The following PDE6A variants were observed in gnomAD, a reference collection of about 807,000 sequenced individuals.
PDE6A encodes rod cGMP-specific 3',5'-cyclic phosphodiesterase subunit alpha.
Under a neutral mutation model 106.3 loss-of-function variants are expected in PDE6A, and 84 were observed. The observed-to-expected ratio is 0.79, with a 90% CI of 0.66 to 0.95. The LOEUF (loss-of-function observed/expected upper bound fraction) is 0.95. Among genes scored for constraint, PDE6A ranks in the 40% least tolerant of loss-of-function variants. PDE6A has a pLI of 0.00. For missense variants in PDE6A, 1,052 were observed against 1,084.9 expected (o/e 0.97, Z 0.43); for synonymous variants, 394 against 386.6 (o/e 1.02, Z -0.23).
At chr5:149,868,479 T>A (rs1166894683) in intron 17 of PDE6A, among the ~76,000 whole-genome samples, 1 of 152,238 alleles carries the variant, frequency 6.6e-6, no homozygotes, top group African/African-American at 2.4e-5. Context: ...TGGAGAAATC[T>A]AAGTATAGTG....
intron 17 of PDE6A, among the ~76,000 whole-genome samples, chr5:149,872,886 A>C (rs1321862410): frequency 6.6e-6 from 1 of 152,202 alleles, no homozygotes; most frequent in Non-Finnish European, 1.5e-5. Context: ...AAAGAGCCAG[A>C]CAGTAAATGT....
At position 149,899,459 on chromosome 5, in the gene PDE6A, C is replaced by T; in HGVS notation, c.1179G>A (p.Lys393=). 6.2e-7 allele frequency: 1 copy of T among 1,614,102 alleles called. No individual in the cohort carries two copies. The highest frequency in any genetic ancestry group is 8.5e-7 in the Non-Finnish European group (1 of 1,179,944). ...TGGCCACTCCAACAATTTCTTCCTT[C>T]TTGTTCACAATCGGCATTGAAAGCA... is the stretch of plus-strand genomic sequence containing the variant. ...KNVLSMPIVN[K]KEEIVGVATF... is the part of the protein sequence containing the mutation. Residue 393 remains lysine (K), a synonymous_variant, in exon 9 of 22, where the codon AAG becomes AAA. Transcript: ENST00000255266.
At chr5:149,885,692 C>A (rs1463931730) in intron 14 of PDE6A, among the ~76,000 whole-genome samples, 1 of 152,210 alleles carries the variant, frequency 6.6e-6, no homozygotes, top group Non-Finnish European at 1.5e-5. Context: ...CATTCATTTT[C>A]TATGGCTGCT....
chr5:149,896,281 G>T, intron 12 of PDE6A, 75 bp downstream of exon 12: 6 of 1,248,894 alleles, frequency 4.8e-6, no homozygotes, highest in Non-Finnish European at 7.0e-6. Context: ...GTAGTTTACA[G>T]ATTGAGTCTT....
At chr5:149,880,825 G>C (rs1172605721) in intron 17 of PDE6A, among the ~76,000 whole-genome samples, 1 of 152,046 alleles carries the variant, frequency 6.6e-6, no homozygotes, top group African/African-American at 2.4e-5. Flanking sequence ...TTGGAAGGCT[G>C]AGACAGGCAG....
chr5:149,869,431 G>C (rs1760454844), intron 17 of PDE6A, among the ~76,000 whole-genome samples: 1 of 152,142 alleles, frequency 6.6e-6, no homozygotes, highest in Non-Finnish European at 1.5e-5. Flanking sequence ...TCATAGAAAG[G>C]CAAGGCAGGT....
chr5:149,885,445 A>G (rs1019707496), intron 14 of PDE6A, among the ~76,000 whole-genome samples: 4 of 152,222 alleles, frequency 2.6e-5, no homozygotes, highest in Admixed American at 6.5e-5. Flanking sequence ...TGAGGATCCA[A>G]TGAGATCATG....
chr5:149,900,896 G>T (rs1561739720), intron 8 of PDE6A, among the ~76,000 whole-genome samples: 3 of 151,988 alleles, frequency 2.0e-5, no homozygotes, highest in East Asian at 1.9e-4. Flanking sequence ...TTTAAGCAAA[G>T]AAATCATTGA....
chr5:149,903,147 T>TAAAAAAAAAA (rs373566897), intron 8 of PDE6A, among the ~76,000 whole-genome samples: 19 of 90,952 alleles, frequency 2.1e-4, no homozygotes, highest in East Asian at 1.0e-3. Context: ...AGACCCTCTC[T>TAAAAAAAAAA]AAAAAAAAAA....
rs1038768243 is a variant in PDE6A at position 149,896,741 on chromosome 5, C to A, written c.1443G>T (p.Glu481Asp). 6.8e-6 allele frequency: 11 copies of A among 1,614,088 alleles called. No homozygotes were observed. Among genetic ancestry groups the A allele is most frequent in the Non-Finnish European group, 9.3e-6 (11 of 1,180,052 alleles). The change falls in exon 11 of 22, where the codon GAG (glutamate) becomes GAT (aspartate). Residue 481 changes from glutamate to aspartate, a missense_variant. Physicochemically the swap from Glu to Asp is conservative, Grantham distance 45 (BLOSUM62 2). Coordinates refer to ENST00000255266, the MANE Select transcript of PDE6A (RefSeq NM_000440.3). ...TCTCAGCCAGCTCCTCTTCCTCACA[C>A]TCCCATGGCTCCTTCCCATACACCT... ...TREVYGKEPW[E>D]CEEEELAEIL...
intron 4 of PDE6A, among the ~76,000 whole-genome samples, chr5:149,927,714 TA>T (rs1411400316): frequency 2.0e-5 from 3 of 152,162 alleles, no homozygotes; most frequent in African/African-American, 7.2e-5. Context: ...ATTTTCTTTT[TA>T]AAAAAATCTC....
chr5:149,886,360 C>T lies in PDE6A; in HGVS notation c.1743G>A (p.Lys581=). The T allele has an allele frequency of 1.2e-6, 2 of 1,614,010 alleles. No homozygotes were observed. Among genetic ancestry groups the T allele is most frequent in the Non-Finnish European group, 1.7e-6 (2 of 1,179,856 alleles). ...AGGCCTCTAGGTCCGTGAAGTAGCG[C>T]TTCAGCTTTCCCGTCTGGAAGGGCA... ...MFSLLVTGKL[K]RYFTDLEALA... Residue 581 remains lysine (K), a synonymous_variant, in exon 14 of 22, where the codon AAG becomes AAA. Coordinates refer to ENST00000255266, the MANE Select transcript of PDE6A (RefSeq NM_000440.3).
rs776278469 is a variant in PDE6A at position 149,931,067 on chromosome 5, G to C, written c.819C>G (p.Asp273Glu). 3.7e-6 allele frequency: 6 copies of C among 1,613,952 alleles called. No homozygotes were observed. In the East Asian group the frequency reaches 1.3e-4, roughly 36 times the overall value. Residue 273 changes from aspartate to glutamate, a missense_variant, in exon 4 of 22, where the codon GAC becomes GAG. Asp to Glu is a conservative substitution (Grantham distance 45, BLOSUM62 2). This residue lies in a region of PDE6A where 913 missense variants were observed against 915.2 expected (regional missense o/e 1.00). Transcript: ENST00000255266. Reference protein sequence around the residue: ...LYTVRAFLNCDRYSVGLLDMT... With the variant: ...LYTVRAFLNCERYSVGLLDMT... ...TGTCTAAGAGACCCACAGAGTATCT[G>C]TCACAGTTGAGGAAAGCACGGACTG...
chr5:149,938,221 C>T (rs996527782), intron 1 of PDE6A, among the ~76,000 whole-genome samples: 14 of 152,146 alleles, frequency 9.2e-5, no homozygotes, highest in African/African-American at 3.4e-4. Context: ...CACTCTGAAC[C>T]TCAATTTCCC....
At chr5:149,932,606 C>A in intron 3 of PDE6A, 2 of 1,610,924 alleles carry the variant, frequency 1.2e-6, no homozygotes, top group South Asian at 2.2e-5. Flanking sequence ...CTGGGACCCT[C>A]ATTCGCTGAC....
At position 149,939,279 on chromosome 5, in the gene PDE6A, C is replaced by T. The variant is rs528034553; in HGVS notation, c.475-4561G>A. ...ACTCTGACGGATGAACAGAAAGCAA[C>T]AGGCCGTCCCTTAGCACAGAGGCTC... is the stretch of plus-strand genomic sequence containing the variant. On this transcript the variant is annotated intron_variant, in intron 1 of 21. Transcript: ENST00000255266. Among the ~76,000 whole-genome samples, 5 of 152,254 alleles carry T rather than the reference C, an allele frequency of 3.3e-5. No homozygotes were observed. The South Asian group carries it at 1.0e-3, about 32-fold the overall frequency.
At chr5:149,924,115 A>G (rs573314823) in intron 4 of PDE6A, among the ~76,000 whole-genome samples, 5 of 152,064 alleles carry the variant, frequency 3.3e-5, no homozygotes, top group East Asian at 1.9e-4. Flanking sequence ...GAGCCCCACA[A>G]CCTGCTGACT....
At chr5:149,917,531 G>A (rs1753592144) in intron 5 of PDE6A, among the ~76,000 whole-genome samples, 1 of 152,138 alleles carries the variant, frequency 6.6e-6, no homozygotes, top group African/African-American at 2.4e-5. Context: ...GCCTAGCATT[G>A]GCGGCAGCTG....
chr5:149,874,006 TAAA>T (rs796307210), intron 17 of PDE6A, among the ~76,000 whole-genome samples: 5 of 127,918 alleles, frequency 3.9e-5, no homozygotes, highest in Admixed American at 8.1e-5. Context: ...ACCCTGTCTC[TAAA>T]AAAAAAAAAA....
Sources: gnomAD v4.1 joint callset for allele counts (sites outside exome capture counted in the v4.1 genomes callset) on GRCh38, gnomAD v4.1.1 for gene constraint, gnomAD v4.1.1 regional missense constraint, MANE v1.5 for transcripts, NCBI Gene and HGNC (gene_info 2026-07-23, HGNC 2026-07-21) for gene names.